Variants in TLN1 observed in about 807,000 individuals in gnomAD.
TLN1 encodes talin-1.
In TLN1, 56 loss-of-function variants were observed where a neutral mutation model predicts 292.3. The observed-to-expected ratio is 0.19, with a 90% CI of 0.15 to 0.24. The LOEUF (loss-of-function observed/expected upper bound fraction) is 0.24, where lower values mean the gene tolerates loss of function less well. Among genes scored for constraint, TLN1 ranks in the 10% least tolerant of loss-of-function variants. The pLI is 1.00. For synonymous variants in TLN1, 1,119 were observed against 1,253.7 expected, an observed-to-expected ratio of 0.89 and a Z score of 2.27; for missense variants, 2,433 against 3,248.2, an observed-to-expected ratio of 0.75 and a Z score of 6.10.
chr9:35,729,983 G>T (rs72727057), intron 1 of TLN1, among the ~76,000 whole-genome samples: 2 of 87,760 alleles, frequency 2.3e-5, no homozygotes, highest in Admixed American at 1.2e-4. Flanking sequence ...TGAGAAGACA[G>T]GGTGTAGAAA....
In TLN1 at chr9:35,729,494, A is replaced by G. The variant is rs546662245; in HGVS notation, c.-34+2581T>C. 2.0e-5 allele frequency among the ~76,000 whole-genome samples: 3 copies of G among 152,350 alleles called. No homozygotes were observed. In the South Asian group the frequency reaches 6.2e-4, roughly 32 times the overall value. ...GAGGAATTTTACTTATTGGAGGACA[A>G]AAGGAAGCCAAGGGAGTCTTTGAGC... On this transcript the variant is annotated intron_variant, in intron 1 of 56. Coordinates refer to ENST00000314888, the MANE Select transcript of TLN1 (RefSeq NM_006289.4).
intron 48 of TLN1, among the ~76,000 whole-genome samples, chr9:35,702,215 C>G (rs914904703): frequency 6.6e-6 from 1 of 152,096 alleles, no homozygotes; most frequent in Non-Finnish European, 1.5e-5. Context: ...GTGTTCCCAC[C>G]ATTAGGAGGA....
At chr9:35,711,427 T>C (rs746260230) in intron 29 of TLN1, 33 bp from the exon 30 acceptor site, 3 of 1,613,648 alleles carry the variant, frequency 1.9e-6, no homozygotes, top group Non-Finnish European at 2.5e-6. Flanking sequence ...TGCATTGTCC[T>C]GTCCTTTCTT....
Position 35,698,098 on chromosome 9 carries a change from C to T in TLN1, c.7446G>A (p.Glu2482=). ...KAAQKAAAFE[E]QENETVVVKE... The stretch of plus-strand genomic sequence containing the variant: ...TCACCACCACTGTCTCATTCTCCTG[C>T]TCTTCAAAGGCTGCAGCCTTCTGTG... The change falls in exon 56 of 57, where the codon GAG becomes GAA. Residue 2482 remains glutamate, a synonymous_variant. Transcript: ENST00000314888. The surrounding 1 kb of genome is among the most constrained non-coding windows in gnomAD (Gnocchi z 5.3). 1 of 1,614,120 alleles carries T rather than the reference C, an allele frequency of 6.2e-7. No individual in the cohort carries two copies. The highest frequency in any genetic ancestry group is 8.5e-7 in the Non-Finnish European group (1 of 1,180,036).
chr9:35,713,945 A>C lies in TLN1; in HGVS notation c.3249+8T>G, dbSNP rs1825727834. On this transcript the variant is annotated splice_region_variant and intron_variant, in intron 25 of 56. Coordinates refer to ENST00000314888, the MANE Select transcript of TLN1 (RefSeq NM_006289.4). Reference sequence around the variant, plus strand: ...TTTGAGTAAGAATGAGGTCTTAAACATACTTACTGTCTCCCCAGGTAAGGG... The same window carrying C: ...TTTGAGTAAGAATGAGGTCTTAAACCTACTTACTGTCTCCCCAGGTAAGGG... 1 of 1,614,040 alleles carries C rather than the reference A, an allele frequency of 6.2e-7. No individual in the cohort carries two copies. The highest frequency in any genetic ancestry group is 1.3e-5 in the African/African-American group (1 of 74,936).
Position 35,704,082 on chromosome 9 carries a change from G to A in TLN1, c.6140C>T (p.Ala2047Val). The A allele has an allele frequency of 6.2e-7, 1 of 1,613,770 alleles. No homozygotes were observed. Among genetic ancestry groups the A allele is most frequent in the Non-Finnish European group, 8.5e-7 (1 of 1,179,910 alleles). Residue 2047 changes from alanine to valine, a missense_variant, in exon 46 of 57, where the codon GCT (alanine) becomes GTT (valine). Ala to Val is a moderately conservative substitution (Grantham distance 64). Transcript: ENST00000314888. The surrounding 1 kb of genome is among the most constrained non-coding windows in gnomAD (Gnocchi z 6.9). The stretch of plus-strand genomic sequence containing the variant: ...GATGGTCGCCACGGAGGACTGGGCA[G>A]CCTGCGCCAACTTCTCCTGGCTCCC... ...AAGSQEKLAQAAQSSVATITR... is the reference protein window; with the variant it reads ...AAGSQEKLAQVAQSSVATITR...
intron 10 of TLN1, 133 bp from the exon 11 acceptor site, chr9:35,721,046 C>T: frequency 1.6e-6 from 1 of 619,656 alleles, no homozygotes; most frequent in South Asian, 2.1e-5. Context: ...AGATGCCCAC[C>T]TTTCTTGAAC....
At chr9:35,723,725 G>T in intron 7 of TLN1, 1 of 558,352 alleles carries the variant, frequency 1.8e-6, no homozygotes, top group Non-Finnish European at 3.0e-6. Flanking sequence ...TGACATGCTT[G>T]CTTCAGAGAT....
In TLN1 at chr9:35,714,559, G is replaced by A; in HGVS notation, c.2985+15C>T. Reference sequence around the variant, plus strand: ...GGGAAGGTCAGGTCAGAGAAGTGCAGAGGGGGTGCCTTGCCTGCAGGAAGC... The same window carrying A: ...GGGAAGGTCAGGTCAGAGAAGTGCAAAGGGGGTGCCTTGCCTGCAGGAAGC... On this transcript the variant is annotated intron_variant, in intron 23 of 56. Transcript: ENST00000314888. The surrounding 1 kb of genome is among the most constrained non-coding windows in gnomAD (Gnocchi z 4.6). 1.9e-6 allele frequency: 3 copies of A among 1,606,504 alleles called. No homozygotes were observed. Among genetic ancestry groups the A allele is most frequent in the East Asian group, 2.2e-5 (1 of 44,884 alleles).
In TLN1 at chr9:35,710,702, C is replaced by G; in HGVS notation, c.4204-19G>C. ...CCAGCACCTGAGGAACAGAGGACAT[C>G]AGGGGAGTCAGAGCATGTCCTCAGA... is the stretch of plus-strand genomic sequence containing the variant. On this transcript the variant is annotated intron_variant, in intron 32 of 56. Coordinates refer to ENST00000314888, the MANE Select transcript of TLN1 (RefSeq NM_006289.4). The G allele has an allele frequency of 6.2e-7, 1 of 1,613,942 alleles. No homozygotes were observed. Among genetic ancestry groups the G allele is most frequent in the South Asian group, 1.1e-5 (1 of 91,060 alleles).
chr9:35,719,979 C>A lies in TLN1; in HGVS notation c.1464+60G>T. ...TGGGAAAAGACTGCCTAACTCCTGG[C>A]TCGGCCCAGCTGAGGGTGAGAGAAG... is the stretch of plus-strand genomic sequence containing the variant. On this transcript the variant is annotated intron_variant, in intron 13 of 56. Transcript: ENST00000314888. The surrounding 1 kb of genome is among the most constrained non-coding windows in gnomAD (Gnocchi z 4.6). 2 of 1,585,576 alleles carry A rather than the reference C, an allele frequency of 1.3e-6. No homozygotes were observed. Among genetic ancestry groups the A allele is most frequent in the Non-Finnish European group, 8.6e-7 (1 of 1,164,056 alleles).
chr9:35,698,574 A>C lies in TLN1; in HGVS notation c.7188+43T>G. The C allele has an allele frequency of 6.2e-7, 1 of 1,613,990 alleles. No individual in the cohort carries two copies. The highest frequency in any genetic ancestry group is 8.5e-7 in the Non-Finnish European group (1 of 1,179,964). On this transcript the variant is annotated intron_variant, in intron 54 of 56. Coordinates refer to ENST00000314888, the MANE Select transcript of TLN1 (RefSeq NM_006289.4). The surrounding 1 kb of genome is among the most constrained non-coding windows in gnomAD (Gnocchi z 5.3). ...GTCCATCCCCACTCCAGCCTTCTCA[A>C]GTCTCTCAAACTGAGAGAGACCTAG...
rs546810898 is a variant in TLN1 at position 35,707,640 on chromosome 9, A to G, written c.4632+91T>C. On this transcript the variant is annotated intron_variant, in intron 35 of 56. Coordinates refer to ENST00000314888, the MANE Select transcript of TLN1 (RefSeq NM_006289.4). This position sits in a 1 kb window ranked among gnomAD's most constrained non-coding sequence, Gnocchi z 5.6. ...AAGAGCTTGGGCTCAGGCAGAGGGG[A>G]TTTGGTAGAAGGCTTCAGAGAATAA... 3.8e-6 allele frequency: 6 copies of G among 1,591,736 alleles called. No homozygotes were observed. In the Admixed American group the frequency reaches 6.8e-5, roughly 18 times the overall value.
chr9:35,721,254 T>G (rs1308734415), intron 10 of TLN1, among the ~76,000 whole-genome samples: 1 of 152,232 alleles, frequency 6.6e-6, no homozygotes, highest in Non-Finnish European at 1.5e-5. Context: ...AAACAGCATT[T>G]CCTATAATTT....
chr9:35,712,268 T>C, intron 27 of TLN1, 144 bp from the exon 28 acceptor site: 1 of 1,215,628 alleles, frequency 8.2e-7, no homozygotes, highest in Non-Finnish European at 1.1e-6. Context: ...AGGCTGAGGT[T>C]AGGGTTTCAA....
chr9:35,719,810 A>C lies in TLN1; in HGVS notation c.1508T>G (p.Met503Arg). The C allele has an allele frequency of 6.2e-7, 1 of 1,600,538 alleles. No homozygotes were observed. Among genetic ancestry groups the C allele is most frequent in the South Asian group, 1.1e-5 (1 of 89,102 alleles). Residue 503 changes from methionine to arginine, a missense_variant, in exon 14 of 57, where the codon ATG becomes AGG. Met to Arg is a moderately conservative substitution (Grantham distance 91, BLOSUM62 -1). Coordinates refer to ENST00000314888, the MANE Select transcript of TLN1 (RefSeq NM_006289.4). This position sits in a 1 kb window ranked among gnomAD's most constrained non-coding sequence, Gnocchi z 4.6. ...GGCCTGGGCAGCCTGCACGGCCTGC[A>C]TGCTGGAGTTAATGGTTCCAGTGAG... is the stretch of plus-strand genomic sequence containing the variant. ...QALTGTINSS[M>R]QAVQAAQATL... is the part of the protein sequence containing the mutation.
chr9:35,728,090 T>C (rs1209742359), intron 1 of TLN1, among the ~76,000 whole-genome samples: 1 of 152,014 alleles, frequency 6.6e-6, no homozygotes, highest in East Asian at 1.9e-4. Flanking sequence ...AGGGAACTCC[T>C]CCTCCCTCAA....
chr9:35,730,014 T>C (rs1186206221), intron 1 of TLN1, among the ~76,000 whole-genome samples: 1 of 151,862 alleles, frequency 6.6e-6, no homozygotes, highest in Non-Finnish European at 1.5e-5. Context: ...GTGATGATGG[T>C]GTTTGGAAAA....
Position 35,708,405 on chromosome 9 carries a change from C to T in TLN1, c.4406G>A (p.Arg1469His), listed in dbSNP as rs773870967. Residue 1469 changes from arginine (R) to histidine (H), a missense_variant, in exon 34 of 57, where the codon CGT (arginine) becomes CAT (histidine). Around this residue, in one of 7 missense-constraint regions of TLN1, gnomAD observed 1,384 missense variants for 1,699.6 expected, o/e 0.81. Transcript: ENST00000314888. ...QGLVEPTQFA[R>H]ANQAIQMACQ... ...GGCCATCTGAATTGCCTGGTTTGCA[C>T]GGGCAAACTGTGTGGGCTCCACTAG... 14 of 1,610,684 alleles carry T rather than the reference C, an allele frequency of 8.7e-6. No individual in the cohort carries two copies. The highest frequency in any genetic ancestry group is 8.4e-5 in the Admixed American group (5 of 59,586).
Sources: gnomAD v4.1 joint callset for allele counts (sites outside exome capture counted in the v4.1 genomes callset) on GRCh38, gnomAD v4.1.1 for gene constraint, gnomAD v4.1.1 regional missense constraint, Gnocchi (gnomAD v3.1) non-coding constraint, MANE v1.5 for transcripts, NCBI Gene and HGNC (gene_info 2026-07-23, HGNC 2026-07-21) for gene names.